Variants in TULP4 observed in about 807,000 individuals in gnomAD.
TULP4 encodes TUB like protein 4.
TULP4 carries 16 observed loss-of-function variants against 129.0 expected under a neutral mutation model. The ratio of observed to expected loss-of-function variants is 0.12; its 90% CI spans 0.08 to 0.19. The LOEUF (loss-of-function observed/expected upper bound fraction) is 0.19, where lower values mean the gene tolerates loss of function less well. Ranked by LOEUF, TULP4 falls within the 10% of genes least tolerant of loss-of-function variation. The pLI, the probability that TULP4 is intolerant of heterozygous loss-of-function variation, is 1.00. For synonymous variants in TULP4, 998 were observed against 854.0 expected (o/e 1.17, Z -2.94); for missense variants, 1,842 against 2,059.1 (o/e 0.89, Z 2.04).
At chr6:158,288,658 G>A (rs1778872005) in intron 1 of TULP4, among the ~76,000 whole-genome samples, 1 of 151,968 alleles carries the variant, frequency 6.6e-6, no homozygotes, top group African/African-American at 2.4e-5. Context: ...CCGCCACCAC[G>A]CCCAGCTAAT....
At chr6:158,458,091 C>G (rs1779335206) in intron 5 of TULP4, among the ~76,000 whole-genome samples, 1 of 152,086 alleles carries the variant, frequency 6.6e-6, no homozygotes, top group African/African-American at 2.4e-5. Flanking sequence ...ATCTAAGGGA[C>G]AAAGAACTGG....
At chr6:158,325,362 T>TTC (rs1200521107) in intron 1 of TULP4, among the ~76,000 whole-genome samples, 1 of 150,462 alleles carries the variant, frequency 6.6e-6, no homozygotes, top group Non-Finnish European at 1.5e-5. Flanking sequence ...TTTCTTTTTT[T>TTC]TTTTTTTTCA....
chr6:158,276,202 T>G (rs1778642724), intron 1 of TULP4, among the ~76,000 whole-genome samples: 1 of 152,102 alleles, frequency 6.6e-6, no homozygotes, highest in African/African-American at 2.4e-5. Flanking sequence ...ACTCCTGACC[T>G]CGAATGATCT....
intron 6 of TULP4, among the ~76,000 whole-genome samples, chr6:158,463,057 CTACCCTGTGTCTT>C (rs1402501913): frequency 6.6e-6 from 1 of 152,064 alleles, no homozygotes; most frequent in Non-Finnish European, 1.5e-5. Flanking sequence ...CCTGGCCTAC[CTACCCTGTGTCTT>C]TACCCTGTGT....
intron 1 of TULP4, among the ~76,000 whole-genome samples, chr6:158,290,784 C>CT (rs939954897): frequency 1.3e-5 from 2 of 151,964 alleles, no homozygotes; most frequent in Non-Finnish European, 2.9e-5. Flanking sequence ...ATCAAATTGT[C>CT]TTTTTTTTAT....
At chr6:158,312,053 T>A (rs1371867675), upstream of TULP4, 2 of 397,316 alleles carry the variant, frequency 5.0e-6, no homozygotes, top group African/African-American at 4.2e-5. Context: ...TTAAACAGAT[T>A]TGTAAGACTC....
rs1779410883 is a variant in TULP4 at position 158,313,465 on chromosome 6, T to G, written c.-552T>G. The G allele has an allele frequency of 5.0e-6, 2 of 400,218 alleles. No homozygotes were observed. Among genetic ancestry groups the G allele is most frequent in the East Asian group, 7.1e-5 (2 of 28,088 alleles). 24.8% of individuals were successfully genotyped at this position (400,218 alleles called of 1,614,324 possible). On this transcript the variant is annotated 5_prime_UTR_variant, in exon 1 of 14. The change abolishes an upstream ATG in the 5' untranslated region. Transcript: ENST00000367097. The stretch of plus-strand genomic sequence containing the variant: ...AGAAATTTGTCTAGTTCAGGAAACA[T>G]GCTAGAGGGTGGCTTCAGAAGGAAG...
intron 3 of TULP4, among the ~76,000 whole-genome samples, chr6:158,434,094 T>A (rs1778696953): frequency 6.6e-6 from 1 of 152,212 alleles, no homozygotes; most frequent in Admixed American, 6.5e-5. Context: ...TGTCTCTTCC[T>A]CTTCCTGTAA....
intron 3 of TULP4, among the ~76,000 whole-genome samples, chr6:158,433,889 C>T (rs747489849): frequency 6.6e-5 from 10 of 152,176 alleles, no homozygotes; most frequent in Non-Finnish European, 1.3e-4. Flanking sequence ...GCTTGGGCTG[C>T]CATGACAGAA....
intron 1 of TULP4, among the ~76,000 whole-genome samples, chr6:158,389,967 C>T (rs932249198): frequency 1.3e-5 from 2 of 151,334 alleles, no homozygotes; most frequent in African/African-American, 2.4e-5. Context: ...AAAAGTTAGC[C>T]GGGTGTGGGT....
At chr6:158,308,232 G>T (rs1403160526), upstream of TULP4, among the ~76,000 whole-genome samples, 6 of 122,222 alleles carry the variant, frequency 4.9e-5, no homozygotes, top group Non-Finnish European at 8.8e-5. Flanking sequence ...TCAAGCATCT[G>T]TTTAACAAAG....
At chr6:158,266,480 T>C (rs1310591359) in intron 1 of TULP4, among the ~76,000 whole-genome samples, 1 of 152,206 alleles carries the variant, frequency 6.6e-6, no homozygotes, top group Non-Finnish European at 1.5e-5. Context: ...GGTTTCGAAC[T>C]CCTGGGCTCT....
intron 1 of TULP4, among the ~76,000 whole-genome samples, chr6:158,404,977 G>A (rs984805309): frequency 6.6e-5 from 10 of 151,946 alleles, no homozygotes; most frequent in Non-Finnish European, 1.2e-4. Context: ...TATTGCCTAA[G>A]ATTTTTAAGT....
At chr6:158,241,775 A>G in intron 1 of TULP4, 1 of 453,354 alleles carries the variant, frequency 2.2e-6, no homozygotes, top group Admixed American at 3.4e-5. Context: ...TTGTATTTTT[A>G]GTAGAGACGG....
intron 8 of TULP4, among the ~76,000 whole-genome samples, chr6:158,487,181 G>A (rs368628458): frequency 4.2e-5 from 1 of 23,872 alleles, no homozygotes. Flanking sequence ...GGGAGGCTGA[G>A]GCAGGAGATG....
At chr6:158,306,263 A>C (rs186205141) in intron 1 of TULP4, among the ~76,000 whole-genome samples, 36 of 152,330 alleles carry the variant, frequency 2.4e-4, no homozygotes, top group African/African-American at 8.7e-4. Flanking sequence ...GTTATTTAAG[A>C]TTTACATTTG....
At chr6:158,444,649 T>G (rs1324001426) in intron 3 of TULP4, among the ~76,000 whole-genome samples, 1 of 152,236 alleles carries the variant, frequency 6.6e-6, no homozygotes, top group Non-Finnish European at 1.5e-5. Flanking sequence ...AGAAATCTTT[T>G]GAATGATTTT....
chr6:158,484,585 TA>T, intron 8 of TULP4, among the ~76,000 whole-genome samples: 1 of 152,084 alleles, frequency 6.6e-6, no homozygotes, highest in East Asian at 1.9e-4. Context: ...AAGGAGTTCA[TA>T]TAGGTGGATC....
intron 1 of TULP4, among the ~76,000 whole-genome samples, chr6:158,376,901 CTGACACCTG>C (rs1777203808): frequency 6.6e-6 from 1 of 152,246 alleles, no homozygotes; most frequent in African/African-American, 2.4e-5. Context: ...GCAGCTGTCT[CTGACACCTG>C]TGACAGCCAC....
Sources: gnomAD v4.1 joint callset for allele counts (sites outside exome capture counted in the v4.1 genomes callset) on GRCh38, gnomAD v4.1.1 for gene constraint, MANE v1.5 for transcripts, NCBI Gene and HGNC (gene_info 2026-07-23, HGNC 2026-07-21) for gene names.